NINL: variants seen among roughly 807,000 people sequenced by gnomAD.
NINL encodes the protein ninein like.
Under a neutral mutation model 160.3 loss-of-function variants are expected in NINL, and 153 were observed. That is an observed-to-expected ratio of 0.95 (90% confidence interval 0.84 to 1.09). The LOEUF is 1.09. Ranked by LOEUF, NINL falls within the 50% of genes least tolerant of loss-of-function variation. The probability of loss-of-function intolerance (pLI) is 0.00; values close to 1 mark genes in which losing one functional copy is unlikely to be tolerated. For synonymous variants in NINL, 800 were observed against 734.8 expected (o/e 1.09, Z -1.43); for missense variants, 1,829 against 1,764.0 (o/e 1.04, Z -0.66).
At chr20:25,555,507 T>C (rs1398530344) in intron 1 of NINL, among the ~76,000 whole-genome samples, 1 of 152,252 alleles carries the variant, frequency 6.6e-6, no homozygotes, top group Non-Finnish European at 1.5e-5. Flanking sequence ...ATACAAATCA[T>C]GAGCATATGG....
chr20:25,579,430 A>C (rs1488391349), intron 1 of NINL, among the ~76,000 whole-genome samples: 1 of 152,220 alleles, frequency 6.6e-6, no homozygotes, highest in Non-Finnish European at 1.5e-5. Context: ...AGGAGACCTG[A>C]GCTCCATTTC....
Position 25,473,717 on chromosome 20 carries a change from CAT to C in NINL, c.3248+2324_3248+2325del, listed in dbSNP as rs1294606924. Among the ~76,000 whole-genome samples, 283 of 136,312 alleles carry C rather than the reference CAT, an allele frequency of 2.1e-3. 1 individual carries two copies. The highest frequency in any genetic ancestry group is 7.5e-3 in the African/African-American group (269 of 35,868). 89.4% of individuals were successfully genotyped at this position (136,312 alleles called of 152,430 possible). On this transcript the variant is annotated intron_variant, in intron 17 of 23. Transcript: ENST00000278886. Reference sequence around the variant, plus strand: ...ACACACACACACACACACACACACACATCAGCTGGGCATGGTGGTGGGCACAT... The same window carrying C: ...ACACACACACACACACACACACACACCAGCTGGGCATGGTGGTGGGCACAT...
chr20:25,499,039 T>G (rs751110353), intron 8 of NINL: 3 of 985,472 alleles, frequency 3.0e-6, no homozygotes, highest in Non-Finnish European at 3.6e-6. Flanking sequence ...TTTCCACTTG[T>G]GGCTACAAAC....
intron 18 of NINL, among the ~76,000 whole-genome samples, chr20:25,468,254 GCC>G (rs1322394912): frequency 7.8e-6 from 1 of 128,476 alleles, no homozygotes; most frequent in Non-Finnish European, 1.7e-5. Context: ...CTCTGTCCCC[GCC>G]AACTCTCACT....
At chr20:25,486,517 T>C (rs1417484047) in intron 13 of NINL, among the ~76,000 whole-genome samples, 2 of 152,202 alleles carry the variant, frequency 1.3e-5, no homozygotes, top group East Asian at 1.9e-4. Flanking sequence ...CACATGCAGC[T>C]GCAGTCCTAG....
chr20:25,564,693 T>C (rs1294054121), intron 1 of NINL, among the ~76,000 whole-genome samples: 3 of 151,948 alleles, frequency 2.0e-5, no homozygotes, highest in Non-Finnish European at 4.4e-5. Flanking sequence ...CCTCAAGTGA[T>C]CCACCTGCCT....
intron 2 of NINL, among the ~76,000 whole-genome samples, chr20:25,518,197 C>T (rs543541749): frequency 5.3e-5 from 8 of 152,344 alleles, no homozygotes; most frequent in South Asian, 2.1e-4. Flanking sequence ...GTCTCCGCCA[C>T]GACCCTTCCC....
At chr20:25,487,518 A>G (rs2063527758) in intron 13 of NINL, among the ~76,000 whole-genome samples, 1 of 152,190 alleles carries the variant, frequency 6.6e-6, no homozygotes, top group African/African-American at 2.4e-5. Flanking sequence ...TTCAGTGTCT[A>G]TTGTTACAAC....
At chr20:25,510,778 G>C (rs899078774) in intron 4 of NINL, 38 bp from the exon 5 acceptor site, 9 of 1,535,232 alleles carry the variant, frequency 5.9e-6, no homozygotes, top group Non-Finnish European at 8.1e-6. Flanking sequence ...TGAGTTCCAG[G>C]GGGTGCTGCT....
chr20:25,515,940 T>C (rs2064152700), intron 3 of NINL, among the ~76,000 whole-genome samples: 2 of 151,936 alleles, frequency 1.3e-5, no homozygotes, highest in Admixed American at 1.3e-4. Context: ...CCGGCTAATT[T>C]TTTTGTATTT....
In NINL at chr20:25,476,462, C is replaced by G. The variant is rs1568869880; in HGVS notation, c.2829G>C (p.Leu943=). Residue 943 remains leucine (L), a synonymous_variant, in exon 17 of 24, where the codon CTG becomes CTC. Coordinates refer to ENST00000278886, the MANE Select transcript of NINL (RefSeq NM_025176.6). ...LEQPGARELP[L]LGTERDASQT... is the part of the protein sequence containing the mutation. ...GCGAGGCGTCTCTCTCTGTTCCCAG[C>G]AGAGGCAGCTCCCGGGCTCCAGGCT... 1.9e-6 allele frequency: 3 copies of G among 1,607,626 alleles called. No homozygotes were observed. The highest frequency in any genetic ancestry group is 2.5e-6 in the Non-Finnish European group (3 of 1,179,872).
rs3036846 is a variant in NINL at position 25,553,104 on chromosome 20, G to GTTTT, written c.-11-26510_-11-26507dup. Among the ~76,000 whole-genome samples the GTTTT allele has an allele frequency of 1.5e-3, 146 of 100,120 alleles. 5 individuals carry two copies. Among genetic ancestry groups the GTTTT allele is most frequent in the Middle Eastern group, 8.9e-3 (1 of 112 alleles). The allele number at this position is 100,120 out of a possible 152,430, so 65.7% of individuals were successfully genotyped here. A position where few individuals can be genotyped will look rare whatever the true frequency, so the allele number is the denominator to read the frequency against. ...GGAAGTTACTTCTCACCCTTGTTGG[G>GTTTT]TTTTTTTTTTTTTTTTTGGAGATGG... On this transcript the variant is annotated intron_variant, in intron 1 of 23. Coordinates refer to ENST00000278886, the MANE Select transcript of NINL (RefSeq NM_025176.6).
At chr20:25,527,053 A>T (rs1309187396) in intron 1 of NINL, among the ~76,000 whole-genome samples, 2 of 152,332 alleles carry the variant, frequency 1.3e-5, no homozygotes, top group African/African-American at 4.8e-5. Context: ...TTCTAGAATA[A>T]TTAGAAAATA....
intron 1 of NINL, among the ~76,000 whole-genome samples, chr20:25,549,775 C>T (rs2147091094): frequency 6.6e-6 from 1 of 152,280 alleles, no homozygotes; most frequent in South Asian, 2.1e-4. Context: ...CCACTCTTTC[C>T]AACCAACTCC....
Position 25,477,039 on chromosome 20 carries a change from A to G in NINL, c.2252T>C (p.Leu751Pro). The stretch of plus-strand genomic sequence containing the variant: ...CAAGGTCAGGTCTCTGCGAGCGGGC[A>G]GGGCTCCCAGCCCCGACAGCTCTCC... ...LSGELSGLGA[L>P]PARRDLTLEL... Residue 751 changes from leucine (L) to proline (P), a missense_variant, in exon 17 of 24, where the codon CTG becomes CCG. Transcript: ENST00000278886. 6.3e-7 allele frequency: 1 copy of G among 1,598,956 alleles called. No homozygotes were observed. The highest frequency in any genetic ancestry group is 8.5e-7 in the Non-Finnish European group (1 of 1,179,606).
At chr20:25,570,695 T>A (rs1048657284) in intron 1 of NINL, among the ~76,000 whole-genome samples, 29 of 25,242 alleles carry the variant, frequency 1.1e-3, no homozygotes, top group South Asian at 2.4e-3. Flanking sequence ...GCAAGTAGAC[T>A]TTTTTTTTTT....
At chr20:25,501,059 C>G in intron 7 of NINL, 49 bp from the exon 8 acceptor site, 1 of 1,579,806 alleles carries the variant, frequency 6.3e-7, no homozygotes, top group Non-Finnish European at 8.6e-7. Context: ...AAGCCTCACG[C>G]CTGTGTGCTG....
chr20:25,539,193 G>A (rs908419750), intron 1 of NINL, among the ~76,000 whole-genome samples: 2 of 152,200 alleles, frequency 1.3e-5, no homozygotes, highest in South Asian at 2.1e-4. Context: ...AGGAGTCAGC[G>A]AACAGCCATG....
intron 1 of NINL, among the ~76,000 whole-genome samples, chr20:25,545,484 C>CCA (rs397689530): frequency 6.6e-5 from 10 of 151,740 alleles, no homozygotes; most frequent in Non-Finnish European, 5.9e-5. Context: ...AGCCCCCCCC[C>CCA]ATTATCTGAA....
Sources: gnomAD v4.1 joint callset for allele counts (sites outside exome capture counted in the v4.1 genomes callset) on GRCh38, gnomAD v4.1.1 for gene constraint, MANE v1.5 for transcripts, NCBI Gene and HGNC (gene_info 2026-07-23, HGNC 2026-07-21) for gene names.